The following PDE12 variants were observed in gnomAD, a reference collection of about 807,000 sequenced individuals.
PDE12 encodes the protein 2',5'-phosphodiesterase 12.
A neutral mutation model predicts 45.4 loss-of-function variants in PDE12; 26 were observed. That is an observed-to-expected ratio of 0.57 (90% CI 0.42 to 0.79). The LOEUF is 0.79. Among genes scored for constraint, PDE12 ranks in the 30% least tolerant of loss-of-function variants. The pLI, the probability that PDE12 is intolerant of heterozygous loss-of-function variation, is 0.00. For synonymous variants in PDE12, 283 were observed against 323.9 expected, an observed-to-expected ratio of 0.87 and a Z score of 1.36; for missense variants, 668 against 790.0, an observed-to-expected ratio of 0.85 and a Z score of 1.85.
chr3:57,653,628 C>A, the PDE12 span, among the ~76,000 whole-genome samples: 2 of 151,724 alleles, frequency 1.3e-5, no homozygotes, highest in Non-Finnish European at 2.9e-5. Flanking sequence ...AGCCTGTAGT[C>A]CCAGCTACTC....
the PDE12 span, among the ~76,000 whole-genome samples, chr3:57,599,210 T>C: frequency 1.3e-5 from 2 of 152,200 alleles, no homozygotes; most frequent in African/African-American, 4.8e-5. Context: ...AGGGCATAGA[T>C]AGATAAGAGA....
chr3:57,579,309 T>C, the PDE12 span, among the ~76,000 whole-genome samples: 1 of 137,104 alleles, frequency 7.3e-6, no homozygotes, highest in Non-Finnish European at 1.6e-5. Context: ...CAAAGGACTA[T>C]ACTATATCTT....
chr3:57,651,817 C>A, the PDE12 span, among the ~76,000 whole-genome samples: 2 of 152,008 alleles, frequency 1.3e-5, no homozygotes, highest in Non-Finnish European at 2.9e-5. Flanking sequence ...TAAACTGGGA[C>A]AATTTGAATA....
chr3:57,575,332 C>T, the PDE12 span, among the ~76,000 whole-genome samples: 2 of 149,690 alleles, frequency 1.3e-5, no homozygotes, highest in East Asian at 1.9e-4. Context: ...AAAAAAGAAA[C>T]TATCAATAAT....
At chr3:57,580,144 T>C in the PDE12 span, among the ~76,000 whole-genome samples, 12 of 152,092 alleles carry the variant, frequency 7.9e-5, no homozygotes, top group Admixed American at 3.3e-4. Context: ...GGAGCCAATA[T>C]AGTGTGGTGG....
the PDE12 span, chr3:57,597,006 A>C: frequency 6.4e-7 from 1 of 1,558,374 alleles, no homozygotes. Flanking sequence ...AAACAGGCCC[A>C]GAGGCCACCC....
chr3:57,634,521 A>G, the PDE12 span: 1 of 1,189,834 alleles, frequency 8.4e-7, no homozygotes, highest in Non-Finnish European at 1.1e-6. Flanking sequence ...ATACCTGAAC[A>G]AGGAAATTTA....
At chr3:57,576,504 CTTTTTT>C in the PDE12 span, among the ~76,000 whole-genome samples, 3 of 101,614 alleles carry the variant, frequency 3.0e-5, no homozygotes, top group Non-Finnish European at 5.9e-5. Context: ...CTCAACCAAG[CTTTTTT>C]TTTTTTTTTT....
At chr3:57,587,581 A>G in the PDE12 span, among the ~76,000 whole-genome samples, 1 of 152,098 alleles carries the variant, frequency 6.6e-6, no homozygotes, top group Admixed American at 6.6e-5. Context: ...AAATTGTCCA[A>G]GCAGATTTTT....
the PDE12 span, among the ~76,000 whole-genome samples, chr3:57,649,913 GTA>G: frequency 1.5e-3 from 171 of 115,890 alleles, no homozygotes; most frequent in African/African-American, 5.8e-3. Flanking sequence ...CTGACTCTCT[GTA>G]TATATATACA....
Position 57,566,146 on chromosome 3 carries a change from C to G in PDE12, c.*6142C>G, listed in dbSNP as rs1394202606. 5 of 152,226 alleles carry G rather than the reference C, an allele frequency of 3.3e-5. No homozygotes were observed. The highest frequency in any genetic ancestry group is 7.3e-5 in the Non-Finnish European group (5 of 68,052). 9.4% of individuals were successfully genotyped at this position (152,226 alleles called of 1,614,324 possible). Reference sequence around the variant, plus strand: ...GCCCCCAAAAGAAGCTGCATACTCACTTGGCAGTCACTCCCCATTCTCCCT... The same window carrying G: ...GCCCCCAAAAGAAGCTGCATACTCAGTTGGCAGTCACTCCCCATTCTCCCT... On this transcript the variant is annotated 3_prime_UTR_variant, in exon 3 of 3. Coordinates refer to ENST00000311180, the MANE Select transcript of PDE12 (RefSeq NM_177966.7).
rs972257669 is a variant in PDE12, at chr3:57,562,989, C to T, written c.*2985C>T. 2 of 152,148 alleles carry T rather than the reference C, an allele frequency of 1.3e-5. No individual in the cohort carries two copies. The highest frequency in any genetic ancestry group is 4.8e-5 in the African/African-American group (2 of 41,434). 9.4% of individuals were successfully genotyped at this position (152,148 alleles called of 1,614,324 possible). A position where few individuals can be genotyped will look rare whatever the true frequency, so the allele number is the denominator to read the frequency against. On this transcript the variant is annotated 3_prime_UTR_variant, in exon 3 of 3. Coordinates refer to ENST00000311180, the MANE Select transcript of PDE12 (RefSeq NM_177966.7). ...GGGAGAGAATGTCCAAAGAACACTA[C>T]TGTGGAAAGTTCTTACGATGGAAAT...
chr3:57,575,562 G>C, the PDE12 span: 2 of 1,612,608 alleles, frequency 1.2e-6, no homozygotes, highest in Non-Finnish European at 1.7e-6. Context: ...CTGTTACGAA[G>C]AGACTGAAGC....
At chr3:57,622,565 C>T in the PDE12 span, among the ~76,000 whole-genome samples, 1 of 152,166 alleles carries the variant, frequency 6.6e-6, no homozygotes, top group Admixed American at 6.5e-5. Context: ...AGACATCCCC[C>T]TCATACCACT....
the PDE12 span, chr3:57,597,006 A>G: frequency 6.4e-7 from 1 of 1,558,374 alleles, no homozygotes; most frequent in African/African-American, 1.4e-5. Context: ...AAACAGGCCC[A>G]GAGGCCACCC....
the PDE12 span, among the ~76,000 whole-genome samples, chr3:57,617,884 A>C: frequency 2.0e-5 from 3 of 151,910 alleles, no homozygotes; most frequent in South Asian, 2.1e-4. Context: ...AAAAAAAAAA[A>C]CAAAAAAACC....
chr3:57,646,194 G>T, the PDE12 span: 1 of 1,365,728 alleles, frequency 7.3e-7, no homozygotes, highest in Non-Finnish European at 9.9e-7. Context: ...TTTTTGCATG[G>T]ATCAATGCAA....
the PDE12 span, chr3:57,628,791 T>C: frequency 1.2e-6 from 2 of 1,604,942 alleles, no homozygotes; most frequent in African/African-American, 1.3e-5. Context: ...ATTTAATCTT[T>C]GGCTGTTTTG....
At chr3:57,572,350 C>A in the PDE12 span, 1 of 1,336,004 alleles carries the variant, frequency 7.5e-7, no homozygotes, top group South Asian at 1.2e-5. Context: ...ATATATAACA[C>A]CAGTGTTTAA....
Sources: allele counts gnomAD v4.1 joint callset (sites outside exome capture counted in the v4.1 genomes callset), GRCh38; gene constraint gnomAD v4.1.1; transcripts MANE v1.5; gene names NCBI Gene and HGNC (gene_info 2026-07-23, HGNC 2026-07-21).